The following ZNF438 variants were observed in gnomAD, a reference collection of about 807,000 sequenced individuals.
ZNF438 encodes zinc finger protein 438.
Under a neutral mutation model 38.0 loss-of-function variants are expected in ZNF438, and 25 were observed. The ratio of observed to expected loss-of-function variants is 0.66; its 90% CI spans 0.48 to 0.92. ZNF438 has a LOEUF of 0.92. Among genes scored for constraint, ZNF438 ranks in the 40% least tolerant of loss-of-function variants. The pLI is 0.00. For missense variants in ZNF438, 1,007 were observed against 999.6 expected (o/e 1.01, Z -0.10); for synonymous variants, 372 against 364.1 (o/e 1.02, Z -0.25).
At chr10:30,946,618 A>G (rs1231893220) in intron 1 of ZNF438, among the ~76,000 whole-genome samples, 1 of 152,216 alleles carries the variant, frequency 6.6e-6, no homozygotes, top group East Asian at 1.9e-4. Context: ...CTTTGTATAT[A>G]TTTGAAGGGA....
At chr10:30,902,033 C>T (rs2042058951) in intron 3 of ZNF438, among the ~76,000 whole-genome samples, 1 of 152,060 alleles carries the variant, frequency 6.6e-6, no homozygotes. Flanking sequence ...GTGAGTGTTA[C>T]AGCTCATAAA....
chr10:31,010,892 G>GAAAAAAAAAAAAAAAAAAAAAAAAAAA lies in ZNF438; in HGVS notation c.-192+20914_-192+20940dup, dbSNP rs563189482. The stretch of plus-strand genomic sequence containing the variant: ...TGGATAACGAAGTGAGACCCTGTTT[G>GAAAAAAAAAAAAAAAAAAAAAAAAAAA]AAAAAAAAAAAAAAAAAAAAAAAAA... On this transcript the variant is annotated intron_variant, in intron 1 of 5. Transcript: ENST00000413025. 2.2e-5 allele frequency among the ~76,000 whole-genome samples: 2 copies of GAAAAAAAAAAAAAAAAAAAAAAAAAAA among 92,594 alleles called. 1 individual carries two copies. The highest frequency in any genetic ancestry group is 3.9e-5 in the Non-Finnish European group (2 of 51,816). 60.7% of individuals were successfully genotyped at this position (92,594 alleles called of 152,430 possible).
At chr10:30,880,520 G>A (rs1219144659) in intron 3 of ZNF438, among the ~76,000 whole-genome samples, 1 of 151,274 alleles carries the variant, frequency 6.6e-6, no homozygotes, top group Non-Finnish European at 1.5e-5. Context: ...CTGTAATCTA[G>A]AATTCTTAGA....
chr10:30,961,228 A>G (rs1403423962), intron 1 of ZNF438, among the ~76,000 whole-genome samples: 1 of 127,858 alleles, frequency 7.8e-6, no homozygotes, highest in African/African-American at 2.7e-5. Context: ...CCTAAAACTT[A>G]GAGTATAATA....
chr10:30,959,086 A>G (rs779338444), intron 1 of ZNF438, among the ~76,000 whole-genome samples: 2 of 147,468 alleles, frequency 1.4e-5, no homozygotes, highest in African/African-American at 4.9e-5. Context: ...GATTCCAAGA[A>G]GTGGAATTGC....
At chr10:31,024,659 T>G (rs1379595328) in intron 1 of ZNF438, among the ~76,000 whole-genome samples, 1 of 152,048 alleles carries the variant, frequency 6.6e-6, no homozygotes, top group Non-Finnish European at 1.5e-5. Context: ...GGTATAAAGT[T>G]CTAGATTTGC....
At chr10:30,985,944 C>A (rs184305038) in intron 1 of ZNF438, among the ~76,000 whole-genome samples, 244 of 152,164 alleles carry the variant, frequency 1.6e-3, no homozygotes, top group Middle Eastern at 0.01. Context: ...TGGAGGTGGT[C>A]CCATAAGATT....
At chr10:30,965,776 G>A (rs990434022) in intron 1 of ZNF438, among the ~76,000 whole-genome samples, 1 of 151,892 alleles carries the variant, frequency 6.6e-6, no homozygotes, top group African/African-American at 2.4e-5. Flanking sequence ...AGAGGGAGGA[G>A]GGAGGCAAGA....
At chr10:30,940,848 G>T (rs562776506) in intron 2 of ZNF438, among the ~76,000 whole-genome samples, 1 of 152,036 alleles carries the variant, frequency 6.6e-6, no homozygotes, top group Admixed American at 6.6e-5. Context: ...TCAAGTGCTA[G>T]TTAATTAACA....
intron 4 of ZNF438, among the ~76,000 whole-genome samples, chr10:30,871,242 T>C (rs6481724): frequency 0.59 from 89,054 of 151,900 alleles, 26,366 homozygotes; most frequent in African/African-American, 0.62. Flanking sequence ...CTTTTGCTCA[T>C]TGTCTCTTCA....
chr10:31,028,170 T>C (rs2057062342), intron 1 of ZNF438, among the ~76,000 whole-genome samples: 1 of 151,718 alleles, frequency 6.6e-6, no homozygotes, highest in Non-Finnish European at 1.5e-5. Flanking sequence ...ATGTTAGAGA[T>C]GGTCAGCAAA....
At chr10:30,885,514 T>G (rs73243080) in intron 3 of ZNF438, among the ~76,000 whole-genome samples, 9,459 of 152,236 alleles carry the variant, frequency 0.062, 989 homozygotes, top group African/African-American at 0.21. Context: ...CATCCACATA[T>G]GAGGATCTGC....
At chr10:30,870,752 AG>A (rs1186884028) in intron 4 of ZNF438, among the ~76,000 whole-genome samples, 2 of 152,240 alleles carry the variant, frequency 1.3e-5, no homozygotes, top group South Asian at 2.1e-4. Flanking sequence ...AATATCGCCT[AG>A]GAACAAATGG....
chr10:30,845,282 T>A, exon 6 of ZNF438: 1 of 1,614,122 alleles, frequency 6.2e-7, no homozygotes, highest in South Asian at 1.1e-5. Context: ...GTCTTGGACA[T>A]GCATGTGATT....
At chr10:30,956,694 T>C (rs1564733856) in intron 1 of ZNF438, among the ~76,000 whole-genome samples, 1 of 152,222 alleles carries the variant, frequency 6.6e-6, no homozygotes, top group Non-Finnish European at 1.5e-5. Flanking sequence ...GGTTCATCCA[T>C]GTTCACTGCA....
intron 1 of ZNF438, among the ~76,000 whole-genome samples, chr10:30,953,381 A>T (rs1343438237): frequency 6.6e-6 from 1 of 152,016 alleles, no homozygotes; most frequent in Admixed American, 6.6e-5. Context: ...GTGCACATGT[A>T]CCCTAAAACT....
chr10:30,881,297 A>G (rs4749635), intron 3 of ZNF438, among the ~76,000 whole-genome samples: 89,214 of 151,974 alleles, frequency 0.59, 26,443 homozygotes, highest in African/African-American at 0.63. Flanking sequence ...CACAATACAA[A>G]ATCAATATGC....
intron 4 of ZNF438, among the ~76,000 whole-genome samples, chr10:30,852,161 C>T (rs896898221): frequency 7.3e-5 from 11 of 151,032 alleles, no homozygotes; most frequent in Admixed American, 2.6e-4. Context: ...AGCGAGACTC[C>T]GTCTCAAAAA....
At chr10:30,864,898 T>C (rs1400204543) in intron 4 of ZNF438, among the ~76,000 whole-genome samples, 1 of 152,216 alleles carries the variant, frequency 6.6e-6, no homozygotes, top group Non-Finnish European at 1.5e-5. Flanking sequence ...GAATGCTTAA[T>C]CTACTATCTC....
Sources: gnomAD v4.1 joint callset for allele counts (sites outside exome capture counted in the v4.1 genomes callset) on GRCh38, gnomAD v4.1.1 for gene constraint, MANE v1.5 for transcripts, NCBI Gene and HGNC (gene_info 2026-07-23, HGNC 2026-07-21) for gene names.